Variants in DMD observed in about 807,000 individuals in gnomAD.
The protein encoded by DMD is dystrophin.
A neutral mutation model predicts 330.1 loss-of-function variants in DMD; 63 were observed. That is an observed-to-expected ratio of 0.19 (90% confidence interval 0.16 to 0.24). The LOEUF (loss-of-function observed/expected upper bound fraction) is 0.24. Among genes scored for constraint, DMD ranks in the 10% least tolerant of loss-of-function variants. The pLI is 1.00. For synonymous variants in DMD, 1,223 were observed against 959.8 expected, an observed-to-expected ratio of 1.27 and a Z score of -5.07; for missense variants, 3,344 against 2,684.1, an observed-to-expected ratio of 1.25 and a Z score of -5.43.
chrX:31,313,483 A>C (rs1374697894), intron 62 of DMD, among the ~76,000 whole-genome samples: 1 of 112,329 alleles, frequency 8.9e-6, no homozygotes, highest in East Asian at 2.8e-4. Context: ...TGAAACAGCT[A>C]GAAGCAATAG....
chrX:32,558,245 G>A (rs890204450), intron 16 of DMD, among the ~76,000 whole-genome samples: 1 of 111,533 alleles, frequency 9.0e-6, no homozygotes, highest in East Asian at 2.8e-4. Flanking sequence ...TTGAGCAACT[G>A]TGTGAATTAA....
At chrX:31,162,708 C>T (rs753800782) in intron 74 of DMD, among the ~76,000 whole-genome samples, 1 of 111,268 alleles carries the variant, frequency 9.0e-6, no homozygotes, top group Admixed American at 9.6e-5. Context: ...TTAAGGCAAC[C>T]TTGATAACAT....
chrX:31,132,102 T>C (rs2034590509), intron 77 of DMD, among the ~76,000 whole-genome samples: 1 of 112,064 alleles, frequency 8.9e-6, no homozygotes. Context: ...AAGGCTTCCT[T>C]CTCCCACATT....
At chrX:31,902,397 C>A (rs1039430123) in intron 47 of DMD, among the ~76,000 whole-genome samples, 1 of 111,737 alleles carries the variant, frequency 8.9e-6, no homozygotes, top group Non-Finnish European at 1.9e-5. Flanking sequence ...CCTCGCTGAA[C>A]CTGGATTTCT....
chrX:31,154,211 T>C (rs1427614864), intron 74 of DMD, among the ~76,000 whole-genome samples: 4 of 112,386 alleles, frequency 3.6e-5, no homozygotes, highest in African/African-American at 1.3e-4. Flanking sequence ...AGTATTAACG[T>C]AGGGGAGATC....
intron 51 of DMD, among the ~76,000 whole-genome samples, chrX:31,767,580 T>C (rs745770926): frequency 8.1e-4 from 91 of 112,446 alleles, no homozygotes; most frequent in Middle Eastern, 4.7e-3. Context: ...AGGGAAACTA[T>C]TGTAATAGCC....
At chrX:33,246,113 A>C (rs1434761798) in intron 1 of DMD, among the ~76,000 whole-genome samples, 1 of 112,395 alleles carries the variant, frequency 8.9e-6, no homozygotes, top group African/African-American at 3.2e-5. Flanking sequence ...CGTACATTAC[A>C]TTTGATAGAT....
At chrX:32,443,854 T>G (rs181982684) in intron 27 of DMD, among the ~76,000 whole-genome samples, 53 of 111,558 alleles carry the variant, frequency 4.8e-4, no homozygotes, top group African/African-American at 1.6e-3. Flanking sequence ...AAACTTCTGT[T>G]CAAAATAGTA....
intron 1 of DMD, among the ~76,000 whole-genome samples, chrX:33,242,907 G>T (rs1028008830): frequency 1.8e-5 from 2 of 111,963 alleles, no homozygotes; most frequent in African/African-American, 6.5e-5. Context: ...TTAGGGAATT[G>T]TCTATTCATA....
At chrX:32,431,679 T>C (rs2098238958) in intron 29 of DMD, among the ~76,000 whole-genome samples, 1 of 111,845 alleles carries the variant, frequency 8.9e-6, no homozygotes, top group Admixed American at 9.5e-5. Context: ...GTTGTTTAAT[T>C]TTGATTTCTT....
chrX:32,494,376 G>A (rs1445924074), intron 19 of DMD, among the ~76,000 whole-genome samples: 2 of 111,122 alleles, frequency 1.8e-5, no homozygotes, highest in African/African-American at 3.3e-5. Flanking sequence ...GTAAAAGAAC[G>A]ACATCTATAA....
At chrX:32,287,180 C>G (rs916726686) in intron 43 of DMD, among the ~76,000 whole-genome samples, 1 of 111,407 alleles carries the variant, frequency 9.0e-6, no homozygotes, top group African/African-American at 3.3e-5. Context: ...ATCTAAGTAT[C>G]AAACTCCTAT....
chrX:32,299,768 C>T (rs1486388015), intron 42 of DMD, among the ~76,000 whole-genome samples: 1 of 110,831 alleles, frequency 9.0e-6, no homozygotes, highest in Non-Finnish European at 1.9e-5. Context: ...GATGACCATA[C>T]AAGTTACTCT....
intron 29 of DMD, among the ~76,000 whole-genome samples, chrX:32,435,768 C>G (rs1410580859): frequency 3.6e-5 from 4 of 111,076 alleles, no homozygotes; most frequent in African/African-American, 1.3e-4. Flanking sequence ...CAGTAAGGCT[C>G]ACCTCATCCA....
At chrX:31,909,283 A>G (rs1312451360) in intron 47 of DMD, among the ~76,000 whole-genome samples, 1 of 111,525 alleles carries the variant, frequency 9.0e-6, no homozygotes, top group East Asian at 2.8e-4. Context: ...TTTTAGCTGT[A>G]GAAGTGAGGT....
At chrX:32,611,964 G>T (rs1479630648) in intron 12 of DMD, among the ~76,000 whole-genome samples, 1 of 111,875 alleles carries the variant, frequency 8.9e-6, no homozygotes, top group Admixed American at 9.5e-5. Flanking sequence ...TTTAGTTAGT[G>T]GTAGAACTGG....
chrX:31,790,565 A>C (rs2091520792), intron 50 of DMD, among the ~76,000 whole-genome samples: 1 of 111,854 alleles, frequency 8.9e-6, no homozygotes, highest in African/African-American at 3.2e-5. Flanking sequence ...GAAGATCTTC[A>C]GGAAGGTTAA....
chrX:32,476,803 T>C (rs1298026365), intron 21 of DMD, among the ~76,000 whole-genome samples: 1 of 111,812 alleles, frequency 8.9e-6, no homozygotes, highest in Non-Finnish European at 1.9e-5. Flanking sequence ...TATCTGTAGA[T>C]GCTGCCCTTG....
intron 54 of DMD, among the ~76,000 whole-genome samples, chrX:31,649,279 G>A (rs1165300819): frequency 2.7e-5 from 3 of 111,514 alleles, no homozygotes; most frequent in East Asian, 2.8e-4. Flanking sequence ...ATTTTGGTGC[G>A]TTGGTTCAGC....
Sources: allele counts gnomAD v4.1 joint callset (sites outside exome capture counted in the v4.1 genomes callset), GRCh38; gene constraint gnomAD v4.1.1; transcripts MANE v1.5; gene names NCBI Gene and HGNC (gene_info 2026-07-23, HGNC 2026-07-21).